Variants in DPYD observed in about 807,000 individuals in gnomAD.
The protein encoded by DPYD is dihydropyrimidine dehydrogenase [NADP(+)].
DPYD carries 109 observed loss-of-function variants against 116.2 expected under a neutral mutation model. That is an observed-to-expected ratio of 0.94 (90% confidence interval 0.80 to 1.10). The LOEUF (loss-of-function observed/expected upper bound fraction) is 1.10, where lower values mean the gene tolerates loss of function less well. Ranked by LOEUF, DPYD falls within the 50% of genes least tolerant of loss-of-function variation. The pLI, the probability that DPYD is intolerant of heterozygous loss-of-function variation, is 0.00. For synonymous variants in DPYD, 440 were observed against 432.0 expected (o/e 1.02, Z -0.23); for missense variants, 1,302 against 1,254.5 (o/e 1.04, Z -0.57).
At chr1:97,679,001 C>G in intron 8 of DPYD, 94 bp downstream of exon 8, 1 of 560,000 alleles carries the variant, frequency 1.8e-6, no homozygotes, top group Non-Finnish European at 3.0e-6. Flanking sequence ...TAACTTTCAT[C>G]ACGAAAATGT....
chr1:97,757,224 T>C (rs927475374), intron 3 of DPYD, among the ~76,000 whole-genome samples: 1 of 152,114 alleles, frequency 6.6e-6, no homozygotes, highest in Non-Finnish European at 1.5e-5. Context: ...CAAACAAACA[T>C]TGCATTGTAG....
rs58926889 is a variant in DPYD, at chr1:97,237,241, C to CAAAAAA, written c.2300-2253_2300-2248dup. On this transcript the variant is annotated intron_variant, in intron 18 of 22. Coordinates refer to ENST00000370192, the MANE Select transcript of DPYD (RefSeq NM_000110.4). ...GGGCAACAAGAGCAAGATTCTGTCT[C>CAAAAAA]AAAAAAAAAAAAAAAAAAAAAAAAA... is the stretch of plus-strand genomic sequence containing the variant. 3.1e-3 allele frequency among the ~76,000 whole-genome samples: 178 copies of CAAAAAA among 57,678 alleles called. 10 individuals carry two copies. The highest frequency in any genetic ancestry group is 9.1e-3 in the African/African-American group (134 of 14,742). 37.8% of individuals were successfully genotyped at this position (57,678 alleles called of 152,430 possible).
intron 20 of DPYD, among the ~76,000 whole-genome samples, chr1:97,155,591 A>G (rs1174600238): frequency 1.3e-5 from 2 of 152,208 alleles, no homozygotes; most frequent in African/African-American, 4.8e-5. Flanking sequence ...AGGTCTCCTG[A>G]TAATACTGCT....
chr1:97,912,671 A>C (rs1482448572), intron 1 of DPYD, among the ~76,000 whole-genome samples: 1 of 152,128 alleles, frequency 6.6e-6, no homozygotes, highest in African/African-American at 2.4e-5. Context: ...CGGGGAAATA[A>C]AGCATAATAA....
chr1:97,751,854 C>T (rs536354033), intron 3 of DPYD, among the ~76,000 whole-genome samples: 17 of 151,882 alleles, frequency 1.1e-4, no homozygotes, highest in African/African-American at 3.6e-4. Flanking sequence ...CCTCTGCCTC[C>T]TGGATTCAAG....
chr1:97,177,360 T>C (rs1340514423), intron 20 of DPYD, among the ~76,000 whole-genome samples: 3 of 152,152 alleles, frequency 2.0e-5, no homozygotes, highest in Admixed American at 1.3e-4. Context: ...CTGGGAAGTA[T>C]CTACTGGATT....
intron 10 of DPYD, among the ~76,000 whole-genome samples, chr1:97,585,380 G>A (rs1453401831): frequency 1.3e-5 from 2 of 152,184 alleles, no homozygotes; most frequent in African/African-American, 4.8e-5. Context: ...TGAAGGATGA[G>A]TTCACGTGTA....
Position 97,870,053 on chromosome 1 carries a change from A to G in DPYD, c.150+13211T>C, listed in dbSNP as rs147060001. On this transcript the variant is annotated intron_variant, in intron 2 of 22. Transcript: ENST00000370192. ...AAATGTAGTATATACAGTTATTGAT[A>G]TTTGGAGCTCCATATTCAAATATTG... Among the ~76,000 whole-genome samples, 1,351 of 151,988 alleles carry G rather than the reference A, an allele frequency of 8.9e-3. 12 individuals are homozygous for G. The highest frequency in any genetic ancestry group is 0.016 in the Non-Finnish European group (1,054 of 67,866).
intron 12 of DPYD, chr1:97,546,068 A>T (rs1007258464): frequency 3.6e-6 from 5 of 1,405,086 alleles, no homozygotes; most frequent in Middle Eastern, 1.9e-4. Flanking sequence ...ACAACATCAC[A>T]GTAGGATCCT....
intron 18 of DPYD, among the ~76,000 whole-genome samples, chr1:97,282,727 C>T (rs1665405927): frequency 6.6e-6 from 1 of 152,096 alleles, no homozygotes; most frequent in African/African-American, 2.4e-5. Flanking sequence ...TCCTAACCTC[C>T]TCTCTCAAAT....
chr1:97,852,016 C>A (rs927880457), intron 2 of DPYD, among the ~76,000 whole-genome samples: 10 of 122,490 alleles, frequency 8.2e-5, no homozygotes, highest in Admixed American at 3.4e-4. Context: ...AGAGACTGTG[C>A]AATTTACAAA....
chr1:97,137,555 T>C (rs954699980), intron 20 of DPYD, among the ~76,000 whole-genome samples: 2 of 152,220 alleles, frequency 1.3e-5, no homozygotes, highest in Non-Finnish European at 2.9e-5. Flanking sequence ...ACAATTTCTC[T>C]CATTGCGCTT....
At chr1:97,790,592 C>A (rs1326877280) in intron 3 of DPYD, among the ~76,000 whole-genome samples, 1 of 152,132 alleles carries the variant, frequency 6.6e-6, no homozygotes, top group Non-Finnish European at 1.5e-5. Flanking sequence ...TATTTTTCTG[C>A]AAAATGTGGA....
chr1:97,206,674 A>C (rs1659644049), intron 19 of DPYD, among the ~76,000 whole-genome samples: 5 of 101,306 alleles, frequency 4.9e-5, no homozygotes, highest in East Asian at 3.5e-4. Context: ...ATATATATAT[A>C]TATATATATA....
At chr1:97,851,583 C>G (rs1344788206) in intron 2 of DPYD, among the ~76,000 whole-genome samples, 5 of 151,776 alleles carry the variant, frequency 3.3e-5, no homozygotes, top group African/African-American at 9.7e-5. Context: ...TCTACATAAT[C>G]ATAACATTTT....
At chr1:97,883,161 G>A (rs1672311995) in intron 2 of DPYD, 103 bp downstream of exon 2, 1 of 720,830 alleles carries the variant, frequency 1.4e-6, no homozygotes, top group Non-Finnish European at 2.4e-6. Context: ...TAAAATCACG[G>A]CTGTACTTTA....
chr1:97,275,373 C>G (rs1159233338), intron 18 of DPYD, among the ~76,000 whole-genome samples: 1 of 152,156 alleles, frequency 6.6e-6, no homozygotes, highest in Non-Finnish European at 1.5e-5. Flanking sequence ...TGACAGGTAC[C>G]AAATTTTCTA....
At chr1:97,682,614 A>C (rs2100925936) in intron 7 of DPYD, among the ~76,000 whole-genome samples, 1 of 152,292 alleles carries the variant, frequency 6.6e-6, no homozygotes, top group Middle Eastern at 3.4e-3. Flanking sequence ...TGGAATTGCA[A>C]GACAACTACA....
intron 3 of DPYD, chr1:97,797,534 C>G (rs1667633293): frequency 6.6e-6 from 1 of 151,946 alleles, no homozygotes; most frequent in Non-Finnish European, 1.5e-5. Flanking sequence ...ATAAGAAGTC[C>G]TGAATTAGAA....
Sources: gnomAD v4.1 joint callset for allele counts (sites outside exome capture counted in the v4.1 genomes callset) on GRCh38, gnomAD v4.1.1 for gene constraint, MANE v1.5 for transcripts, NCBI Gene and HGNC (gene_info 2026-07-23, HGNC 2026-07-21) for gene names.